The following LAMB1 variants were observed in gnomAD, a reference collection of about 807,000 sequenced individuals.
The protein encoded by LAMB1 is laminin subunit beta-1.
A neutral mutation model predicts 222.3 loss-of-function variants in LAMB1; 121 were observed. That is an observed-to-expected ratio of 0.54 (90% CI 0.47 to 0.63). The LOEUF (loss-of-function observed/expected upper bound fraction) is 0.63, where lower values mean the gene tolerates loss of function less well. LAMB1 is among the 30% of genes least tolerant of loss of function. The probability of loss-of-function intolerance (pLI) is 0.00; values close to 1 mark genes in which losing one functional copy is unlikely to be tolerated. For missense variants in LAMB1, 2,172 were observed against 2,240.8 expected, an observed-to-expected ratio of 0.97 and a Z score of 0.62; for synonymous variants, 794 against 807.2, an observed-to-expected ratio of 0.98 and a Z score of 0.28.
At chr7:107,929,302 C>T in intron 30 of LAMB1, 97 bp from the exon 31 acceptor site, 3 of 1,520,798 alleles carry the variant, frequency 2.0e-6, no homozygotes, top group South Asian at 1.1e-5. Flanking sequence ...TGAAATGACC[C>T]AGAGAGACTC....
chr7:107,929,769 T>C (rs1029140938), intron 29 of LAMB1, 150 bp from the exon 30 acceptor site: 6 of 643,388 alleles, frequency 9.3e-6, no homozygotes, highest in Non-Finnish European at 1.6e-5. Context: ...ATAATCTATC[T>C]GGGATTTTGA....
rs747320822 is a variant in LAMB1 at position 107,953,533 on chromosome 7, G to C, written c.3076C>G (p.Arg1026Gly). The change falls in exon 22 of 34, where the codon CGA (arginine) becomes GGA (glycine). Residue 1026 changes from arginine to glycine, a missense_variant. By Grantham distance (125) the Arg-to-Gly change is moderately radical. Transcript: ENST00000222399. Reference protein sequence around the residue: ...YYGDALQQDCRKCVCNYLGTV... With the variant: ...YYGDALQQDCGKCVCNYLGTV... ...GCAGAATAAATGTGCATCTTACTTC[G>C]ACAGTCCTGCTGGAGGGCATCACCA... 6.2e-7 allele frequency: 1 copy of C among 1,610,314 alleles called. No individual in the cohort carries two copies. Among genetic ancestry groups the C allele is most frequent in the Non-Finnish European group, 8.5e-7 (1 of 1,176,750 alleles).
chr7:107,977,658 G>T (rs1230074020), intron 9 of LAMB1, among the ~76,000 whole-genome samples: 1 of 152,100 alleles, frequency 6.6e-6, no homozygotes, highest in Admixed American at 6.5e-5. Context: ...GGGCATGGTG[G>T]CGCGTGCCTG....
chr7:107,966,314 G>A lies in LAMB1; in HGVS notation c.1563-1627C>T, dbSNP rs1052465366. On this transcript the variant is annotated intron_variant, in intron 13 of 33. Coordinates refer to ENST00000222399, the MANE Select transcript of LAMB1 (RefSeq NM_002291.3). ...CAACCTCCGCCTCTTGGGTTCAAGC[G>A]ATTCTCCCACCTCAGCCTCCTGAGT... Among the ~76,000 whole-genome samples the A allele has an allele frequency of 1.1e-4, 17 of 151,866 alleles. No individual in the cohort carries two copies. The East Asian group carries it at 1.2e-3, about 10-fold the overall frequency.
Position 108,001,242 on chromosome 7 carries a change from G to A in LAMB1, c.213+316C>T, listed in dbSNP as rs980612431. On this transcript the variant is annotated intron_variant, in intron 3 of 33. Coordinates refer to ENST00000222399, the MANE Select transcript of LAMB1 (RefSeq NM_002291.3). ...AAAAAGAGGATAAATCACCTTTAAT[G>A]CACACTTCCAAAACTAAAGTTTTAA... 2.6e-5 allele frequency among the ~76,000 whole-genome samples: 4 copies of A among 152,354 alleles called. No homozygotes were observed. The South Asian group carries it at 6.2e-4, about 24-fold the overall frequency.
At position 107,959,778 on chromosome 7, in the gene LAMB1, G is replaced by C; in HGVS notation, c.2371C>G (p.Gln791Glu). The change falls in exon 19 of 34, where the codon CAG (glutamine) becomes GAG (glutamate). Residue 791 changes from glutamine (Q) to glutamate (E), a missense_variant. Physicochemically the swap from Gln to Glu is conservative, Grantham distance 29 (BLOSUM62 2). Transcript: ENST00000222399. Reference sequence around the variant, plus strand: ...ACCACGTTGGGCCGGCACTGGCACTGGCCTCCGTTGGGATCACACACGGAA... The same window carrying C: ...ACCACGTTGGGCCGGCACTGGCACTCGCCTCCGTTGGGATCACACACGGAA... ...LSSVCDPNGG[Q>E]CQCRPNVVGR... 6.2e-7 allele frequency: 1 copy of C among 1,614,112 alleles called. No homozygotes were observed. Among genetic ancestry groups the C allele is most frequent in the Non-Finnish European group, 8.5e-7 (1 of 1,180,004 alleles).
intron 5 of LAMB1, among the ~76,000 whole-genome samples, chr7:107,991,823 G>A (rs1325192946): frequency 1.4e-5 from 2 of 144,916 alleles, no homozygotes; most frequent in South Asian, 2.1e-4. Flanking sequence ...CAGAAGAATC[G>A]CTTGAACCCG....
At chr7:107,971,852 T>A (rs2033755129) in intron 13 of LAMB1, among the ~76,000 whole-genome samples, 3 of 152,188 alleles carry the variant, frequency 2.0e-5, no homozygotes, top group African/African-American at 7.2e-5. Context: ...TCATAGGACA[T>A]TCCTGAGTTT....
chr7:107,933,456 C>A (rs1313368499), intron 27 of LAMB1, among the ~76,000 whole-genome samples: 1 of 151,946 alleles, frequency 6.6e-6, no homozygotes, highest in Non-Finnish European at 1.5e-5. Flanking sequence ...CTTACAAAAA[C>A]AAAAAGCTTC....
At chr7:107,951,408 T>C in intron 23 of LAMB1, 86 bp from the exon 24 acceptor site, 1 of 1,215,472 alleles carries the variant, frequency 8.2e-7, no homozygotes, top group Non-Finnish European at 1.2e-6. Flanking sequence ...CACTTAGAAG[T>C]AGGAATGAAC....
chr7:107,969,941 A>T (rs966590249), intron 13 of LAMB1, among the ~76,000 whole-genome samples: 10 of 152,234 alleles, frequency 6.6e-5, no homozygotes, highest in Admixed American at 2.0e-4. Flanking sequence ...CACCATAGTC[A>T]TTCAATACAA....
At chr7:107,986,697 T>C (rs1440141300) in intron 5 of LAMB1, among the ~76,000 whole-genome samples, 2 of 152,238 alleles carry the variant, frequency 1.3e-5, no homozygotes, top group African/African-American at 4.8e-5. Flanking sequence ...GTGGCAAGTT[T>C]GAGTGCTCGT....
At position 107,935,421 on chromosome 7, in the gene LAMB1, G is replaced by A. The variant is rs11545309; in HGVS notation, c.4182C>T (p.Ala1394=). 90,851 of 1,568,500 alleles carry A rather than the reference G, an allele frequency of 0.058. 3,056 individuals are homozygous for A. The highest frequency in any genetic ancestry group is 0.071 in the Non-Finnish European group (82,426 of 1,160,064). The part of the protein sequence containing the change: ...KLQSLDLSAA[A]EMTCGTPPGA... ...CCACATCCCCAAACCTTACCATTTC[G>A]GCAGCGGCTGAAAGGTCTAGGCTTT... Residue 1394 remains alanine, a synonymous_variant, in exon 27 of 34, where the codon GCC becomes GCT. Transcript: ENST00000222399.
At position 107,926,264 on chromosome 7, in the gene LAMB1, T is replaced by G. The variant is rs1393145953; in HGVS notation, c.4983A>C (p.Lys1661Asn). The G allele has an allele frequency of 6.2e-7, 1 of 1,614,042 alleles. No homozygotes were observed. Among genetic ancestry groups the G allele is most frequent in the East Asian group, 2.2e-5 (1 of 44,880 alleles). ...CTGCCTCCCCGGAGTTTTGGGCAGCTTTCCGCTTAAGTTCTTCCACATTCC... is the reference window on the plus strand; with the variant it reads ...CTGCCTCCCCGGAGTTTTGGGCAGCGTTCCGCTTAAGTTCTTCCACATTCC... ...LERNVEELKR[K>N]AAQNSGEAEY... Residue 1661 changes from lysine to asparagine, a missense_variant, in exon 32 of 34, where the codon AAA becomes AAC. Physicochemically the swap from Lys to Asn is moderately conservative, Grantham distance 94. Transcript: ENST00000222399.
chr7:107,978,234 T>C, intron 8 of LAMB1, 67 bp from the exon 9 acceptor site: 2 of 1,556,266 alleles, frequency 1.3e-6, no homozygotes, highest in Non-Finnish European at 1.8e-6. Flanking sequence ...TTCTCCATAA[T>C]CAATTGAAAG....
At chr7:107,970,478 A>C (rs188445007) in intron 13 of LAMB1, among the ~76,000 whole-genome samples, 97 of 122,308 alleles carry the variant, frequency 7.9e-4, no homozygotes, top group African/African-American at 3.1e-3. Context: ...GACAAAGCGA[A>C]ACTCTGTCTC....
intron 5 of LAMB1, among the ~76,000 whole-genome samples, chr7:107,993,544 T>C (rs1206614857): frequency 2.6e-5 from 4 of 152,220 alleles, no homozygotes; most frequent in African/African-American, 9.6e-5. Flanking sequence ...TGAATGAGTA[T>C]TCAACTACAA....
chr7:107,990,499 A>C (rs553309542), intron 5 of LAMB1, among the ~76,000 whole-genome samples: 1 of 152,300 alleles, frequency 6.6e-6, no homozygotes, highest in East Asian at 1.9e-4. Flanking sequence ...TGATTTCACT[A>C]CTGTCAGTGG....
At chr7:107,995,509 C>T (rs1483066674) in intron 4 of LAMB1, among the ~76,000 whole-genome samples, 2 of 152,172 alleles carry the variant, frequency 1.3e-5, no homozygotes, top group Non-Finnish European at 2.9e-5. Context: ...GATGGGGAAA[C>T]CTTTGGATGC....
Sources: allele counts gnomAD v4.1 joint callset (sites outside exome capture counted in the v4.1 genomes callset), GRCh38; gene constraint gnomAD v4.1.1; transcripts MANE v1.5; gene names NCBI Gene and HGNC (gene_info 2026-07-23, HGNC 2026-07-21).